CDC5L: variants seen among roughly 807,000 people sequenced by gnomAD.
CDC5L encodes cell division cycle 5-like protein.
A neutral mutation model predicts 104.1 loss-of-function variants in CDC5L; 18 were observed. The observed-to-expected ratio is 0.17, with a 90% CI of 0.12 to 0.26. The LOEUF (loss-of-function observed/expected upper bound fraction) is 0.26. Ranked by LOEUF, CDC5L falls within the 10% of genes least tolerant of loss-of-function variation. The pLI is 1.00. For missense variants in CDC5L, 673 were observed against 956.9 expected (o/e 0.70, Z 3.91); for synonymous variants, 331 against 322.7 (o/e 1.03, Z -0.28).
At position 44,408,619 on chromosome 6, in the gene CDC5L, A is replaced by G; in HGVS notation, c.1079A>G (p.Asp360Gly). 6.2e-7 allele frequency: 1 copy of G among 1,600,328 alleles called. No individual in the cohort carries two copies. The highest frequency in any genetic ancestry group is 8.5e-7 in the Non-Finnish European group (1 of 1,169,936). ...LRTPRTPASQ[D>G]RILQEAQNLM... Reference sequence around the variant, plus strand: ...ACACCACGAACACCAGCTTCCCAGGACAGAATTCTGCAGGTAACGTGTCAC... The same window carrying G: ...ACACCACGAACACCAGCTTCCCAGGGCAGAATTCTGCAGGTAACGTGTCAC... The change falls in exon 8 of 16, where the codon GAC becomes GGC. Residue 360 changes from aspartate (D) to glycine (G), a missense_variant. By Grantham distance (94) the Asp-to-Gly change is moderately conservative. Around this residue, in one of 4 missense-constraint regions of CDC5L, gnomAD observed 578 missense variants for 737.0 expected, o/e 0.78. Transcript: ENST00000371477.
chr6:44,419,373 G>T (rs1425194753), intron 8 of CDC5L, 76 bp from the exon 9 acceptor site: 3 of 1,375,558 alleles, frequency 2.2e-6, no homozygotes, highest in African/African-American at 1.4e-5. Context: ...TTCAAGATTG[G>T]TATAGTAGGA....
intron 8 of CDC5L, among the ~76,000 whole-genome samples, chr6:44,415,163 T>C (rs1791852987): frequency 6.6e-6 from 1 of 152,260 alleles, no homozygotes; most frequent in Non-Finnish European, 1.5e-5. Flanking sequence ...TACCACACTG[T>C]CTTAATTCCT....
intron 14 of CDC5L, among the ~76,000 whole-genome samples, chr6:44,430,586 T>C (rs1009172837): frequency 6.6e-6 from 1 of 151,292 alleles, no homozygotes; most frequent in African/African-American, 2.4e-5. Flanking sequence ...CTTTTTTTTT[T>C]TTTTTGAGAC....
chr6:44,435,826 A>G (rs1034138584), intron 14 of CDC5L: 1 of 150,678 alleles, frequency 6.6e-6, no homozygotes, highest in African/African-American at 2.4e-5. Flanking sequence ...CCTGTTGCCC[A>G]GGCTGAGTGC....
chr6:44,428,404 T>C (rs1792525605), intron 13 of CDC5L, among the ~76,000 whole-genome samples: 1 of 152,166 alleles, frequency 6.6e-6, no homozygotes, highest in South Asian at 2.1e-4. Flanking sequence ...GAAAGCCTTC[T>C]GTAAGGCACA....
intron 5 of CDC5L, among the ~76,000 whole-genome samples, chr6:44,401,055 T>A (rs1390193075): frequency 6.6e-6 from 1 of 152,208 alleles, no homozygotes; most frequent in African/African-American, 2.4e-5. Flanking sequence ...TCTGTCAAGC[T>A]TTTTCCCAAC....
At chr6:44,439,996 A>G (rs989736189) in intron 14 of CDC5L, among the ~76,000 whole-genome samples, 1 of 152,144 alleles carries the variant, frequency 6.6e-6, no homozygotes, top group Non-Finnish European at 1.5e-5. Flanking sequence ...ACATATAATC[A>G]TTGCCATGGA....
At chr6:44,441,083 AC>A (rs1793164358) in intron 14 of CDC5L, among the ~76,000 whole-genome samples, 1 of 152,060 alleles carries the variant, frequency 6.6e-6, no homozygotes, top group African/African-American at 2.4e-5. Context: ...GATCACCAGA[AC>A]CTATTCTTCC....
At position 44,415,350 on chromosome 6, in the gene CDC5L, C is replaced by G. The variant is rs905547152; in HGVS notation, c.1093-4099C>G. Among the ~76,000 whole-genome samples the G allele has an allele frequency of 5.9e-5, 9 of 152,334 alleles. No homozygotes were observed. The South Asian group carries it at 1.2e-3, about 21-fold the overall frequency. On this transcript the variant is annotated intron_variant, in intron 8 of 15. Coordinates refer to ENST00000371477, the MANE Select transcript of CDC5L (RefSeq NM_001253.4). ...TTGGGGCTTGTAACTTTGGATTTCTCTTCTAAAAGATGTGGGGGAAGTTAT... is the reference window on the plus strand; with the variant it reads ...TTGGGGCTTGTAACTTTGGATTTCTGTTCTAAAAGATGTGGGGGAAGTTAT...
intron 11 of CDC5L, among the ~76,000 whole-genome samples, chr6:44,425,506 G>C (rs1792379574): frequency 6.6e-6 from 1 of 151,258 alleles, no homozygotes; most frequent in African/African-American, 2.4e-5. Flanking sequence ...TCCATTGCTG[G>C]ATGATTTTAG....
rs1414208642 is a variant in CDC5L at position 44,450,141 on chromosome 6, G to A, written c.*3430G>A. 2 of 152,220 alleles carry A rather than the reference G, an allele frequency of 1.3e-5. No homozygotes were observed. Among genetic ancestry groups the A allele is most frequent in the Non-Finnish European group, 2.9e-5 (2 of 68,044 alleles). The allele number at this position is 152,220 out of a possible 1,614,324, so 9.4% of individuals were successfully genotyped here. Reference sequence around the variant, plus strand: ...GGCCTCCCAAAGTGCTAGAATTACAGGTGTGAGCCACCATGCCCAGCCTGG... The same window carrying A: ...GGCCTCCCAAAGTGCTAGAATTACAAGTGTGAGCCACCATGCCCAGCCTGG... On this transcript the variant is annotated 3_prime_UTR_variant, in exon 16 of 16. Coordinates refer to ENST00000371477, the MANE Select transcript of CDC5L (RefSeq NM_001253.4).
Position 44,408,618 on chromosome 6 carries a change from G to C in CDC5L, c.1078G>C (p.Asp360His). Residue 360 changes from aspartate to histidine, a missense_variant, in exon 8 of 16, where the codon GAC (aspartate) becomes CAC (histidine). Transcript: ENST00000371477. ...AACACCACGAACACCAGCTTCCCAGGACAGAATTCTGCAGGTAACGTGTCA... is the reference window on the plus strand; with the variant it reads ...AACACCACGAACACCAGCTTCCCAGCACAGAATTCTGCAGGTAACGTGTCA... ...LRTPRTPASQ[D>H]RILQEAQNLM... 1 of 1,600,356 alleles carries C rather than the reference G, an allele frequency of 6.2e-7. No individual in the cohort carries two copies. The highest frequency in any genetic ancestry group is 8.5e-7 in the Non-Finnish European group (1 of 1,170,096).
intron 5 of CDC5L, among the ~76,000 whole-genome samples, chr6:44,399,064 T>C (rs1203426767): frequency 6.6e-6 from 1 of 152,264 alleles, no homozygotes; most frequent in Admixed American, 6.5e-5. Context: ...AGCAGTCCTC[T>C]GCCTTAGCCC....
Position 44,387,908 on chromosome 6 carries a change from C to T in CDC5L, c.45+40C>T, listed in dbSNP as rs747348127. 6 of 1,547,914 alleles carry T rather than the reference C, an allele frequency of 3.9e-6. No individual in the cohort carries two copies. The South Asian group carries it at 4.8e-5, about 12-fold the overall frequency. ...CCCGCCGTCCGCTGCCCGCCGCTCC[C>T]TCTAGCAGCTTGTGCGCACGCGCGC... On this transcript the variant is annotated intron_variant, in intron 1 of 15. Coordinates refer to ENST00000371477, the MANE Select transcript of CDC5L (RefSeq NM_001253.4).
At chr6:44,442,182 A>G (rs1379855819) in intron 14 of CDC5L, among the ~76,000 whole-genome samples, 4 of 151,876 alleles carry the variant, frequency 2.6e-5, no homozygotes, top group Non-Finnish European at 5.9e-5. Context: ...TGATAGACCC[A>G]CCTCAGCCTC....
chr6:44,416,190 G>C (rs1249947912), intron 8 of CDC5L, among the ~76,000 whole-genome samples: 1 of 152,138 alleles, frequency 6.6e-6, no homozygotes, highest in Non-Finnish European at 1.5e-5. Flanking sequence ...TTTGTTAGAG[G>C]AATTAGTCCC....
Position 44,395,643 on chromosome 6 carries a change from G to T in CDC5L, c.440-698G>T, listed in dbSNP as rs1470566101. 3.9e-5 allele frequency among the ~76,000 whole-genome samples: 6 copies of T among 152,236 alleles called. No homozygotes were observed. The East Asian group carries it at 1.2e-3, about 29-fold the overall frequency. On this transcript the variant is annotated intron_variant, in intron 4 of 15. Transcript: ENST00000371477. ...TGGCTGCATCATTATCACAGGGGGAGCATTTAAAAATAGAAATATCAGGGC... is the reference window on the plus strand; with the variant it reads ...TGGCTGCATCATTATCACAGGGGGATCATTTAAAAATAGAAATATCAGGGC...
At chr6:44,405,650 AT>A (rs1437792312) in intron 6 of CDC5L, among the ~76,000 whole-genome samples, 7 of 152,198 alleles carry the variant, frequency 4.6e-5, no homozygotes, top group African/African-American at 1.7e-4. Context: ...TCCTTTTTAC[AT>A]ACTTGTCATA....
At chr6:44,443,068 C>G (rs925851852) in intron 14 of CDC5L, among the ~76,000 whole-genome samples, 1 of 151,818 alleles carries the variant, frequency 6.6e-6, no homozygotes, top group Non-Finnish European at 1.5e-5. Context: ...CTCTCCTGCC[C>G]TGTCCTGTCC....
Sources: allele counts gnomAD v4.1 joint callset (sites outside exome capture counted in the v4.1 genomes callset), GRCh38; gene constraint gnomAD v4.1.1; regional missense constraint gnomAD v4.1.1; transcripts MANE v1.5; gene names NCBI Gene and HGNC (gene_info 2026-07-23, HGNC 2026-07-21).